MRPL48: variants seen among roughly 807,000 people sequenced by gnomAD.
The protein encoded by MRPL48 is large ribosomal subunit protein mL48.
In MRPL48, 16 loss-of-function variants were observed where a neutral mutation model predicts 32.9. The observed-to-expected ratio is 0.49, with a 90% CI of 0.33 to 0.74. MRPL48 has a LOEUF of 0.74. Among genes scored for constraint, MRPL48 ranks in the 30% least tolerant of loss-of-function variants. The probability of loss-of-function intolerance (pLI) is 0.02; values close to 1 mark genes in which losing one functional copy is unlikely to be tolerated. For synonymous variants in MRPL48, 94 were observed against 89.2 expected, an observed-to-expected ratio of 1.05 and a Z score of -0.31; for missense variants, 206 against 245.3, an observed-to-expected ratio of 0.84 and a Z score of 1.07.
intron 4 of MRPL48, among the ~76,000 whole-genome samples, chr11:73,828,092 A>G (rs1947930551): frequency 6.6e-6 from 1 of 152,200 alleles, no homozygotes; most frequent in Non-Finnish European, 1.5e-5. Context: ...ATTCTGGATT[A>G]GAATATCTCT....
intron 5 of MRPL48, among the ~76,000 whole-genome samples, chr11:73,854,595 A>G (rs12791617): frequency 0.056 from 8,579 of 152,156 alleles, 266 homozygotes; most frequent in Middle Eastern, 0.11. Flanking sequence ...CCTAGTTGCA[A>G]TGTTTATAGG....
chr11:73,826,009 A>C (rs1947883014), intron 4 of MRPL48, among the ~76,000 whole-genome samples: 1 of 152,108 alleles, frequency 6.6e-6, no homozygotes, highest in Non-Finnish European at 1.5e-5. Context: ...AGTAAAAAGC[A>C]AATGGTTTTT....
intron 1 of MRPL48, among the ~76,000 whole-genome samples, chr11:73,798,833 T>C (rs1287099595): frequency 6.6e-6 from 1 of 151,712 alleles, no homozygotes; most frequent in Non-Finnish European, 1.5e-5. Flanking sequence ...CTACTAAAAA[T>C]ACAAAAAATT....
chr11:73,805,043 A>G lies in MRPL48; in HGVS notation c.38A>G (p.Asn13Ser). ...GTLEKVLCLR[N>S]NTIFKQAFSL... is the part of the protein sequence containing the mutation. The stretch of plus-strand genomic sequence containing the variant: ...TTGCTGTAGGTGCTGTGCCTGAGGA[A>G]CAATACCATTTTTAAGCAAGCCTTT... The change falls in exon 2 of 8, where the codon AAC becomes AGC. Residue 13 changes from asparagine to serine, a missense_variant. Transcript: ENST00000310614. 1 of 1,590,684 alleles carries G rather than the reference A, an allele frequency of 6.3e-7. No homozygotes were observed. The highest frequency in any genetic ancestry group is 1.3e-5 in the African/African-American group (1 of 74,668).
chr11:73,853,800 C>T (rs1948442259), intron 5 of MRPL48, among the ~76,000 whole-genome samples: 1 of 149,316 alleles, frequency 6.7e-6, no homozygotes, highest in Admixed American at 6.8e-5. Flanking sequence ...ACGCCATTCT[C>T]CTGCCTCAGC....
intron 1 of MRPL48, among the ~76,000 whole-genome samples, chr11:73,789,846 A>G (rs1182460278): frequency 6.6e-6 from 1 of 152,184 alleles, no homozygotes; most frequent in Admixed American, 6.5e-5. Flanking sequence ...TCTGGTATAT[A>G]ATAGAGACTT....
intron 3 of MRPL48, among the ~76,000 whole-genome samples, chr11:73,818,842 C>T (rs1184227543): frequency 6.6e-6 from 1 of 152,170 alleles, no homozygotes; most frequent in African/African-American, 2.4e-5. Context: ...GGACAGTTGT[C>T]TCTGGCATAT....
rs191676985 is a variant in MRPL48, at chr11:73,864,815, G to A, written c.*445G>A. On this transcript the variant is annotated 3_prime_UTR_variant, in exon 8 of 8. Coordinates refer to ENST00000310614, the MANE Select transcript of MRPL48 (RefSeq NM_016055.6). ...ACATTCTTTTTTTTTTTTCCGAAAC[G>A]GAGTCTCGCTCTGTTGCCCAGGCTG... is the stretch of plus-strand genomic sequence containing the variant. 828 of 171,032 alleles carry A rather than the reference G, an allele frequency of 4.8e-3. 9 individuals are homozygous for A. The highest frequency in any genetic ancestry group is 0.018 in the African/African-American group (740 of 42,130). 10.6% of individuals were successfully genotyped at this position (171,032 alleles called of 1,614,324 possible).
At chr11:73,803,598 T>A in intron 1 of MRPL48, among the ~76,000 whole-genome samples, 1 of 152,166 alleles carries the variant, frequency 6.6e-6, no homozygotes, top group East Asian at 1.9e-4. Context: ...AGGCTCCTCT[T>A]GACTGATAGT....
At chr11:73,800,589 C>A (rs1385760878) in intron 1 of MRPL48, among the ~76,000 whole-genome samples, 1 of 152,120 alleles carries the variant, frequency 6.6e-6, no homozygotes, top group African/African-American at 2.4e-5. Flanking sequence ...TCGCTGGCGT[C>A]ACCATCCTCC....
At chr11:73,810,436 G>A (rs1590946522) in intron 3 of MRPL48, among the ~76,000 whole-genome samples, 1 of 152,136 alleles carries the variant, frequency 6.6e-6, no homozygotes, top group East Asian at 1.9e-4. Flanking sequence ...CAGGAGAACC[G>A]CTTGAACTTG....
rs1947545976 is a variant in MRPL48 at position 73,810,513 on chromosome 11, C to T, written c.112+2163C>T. Among the ~76,000 whole-genome samples, 7 of 151,300 alleles carry T rather than the reference C, an allele frequency of 4.6e-5. No individual in the cohort carries two copies. The South Asian group carries it at 1.5e-3, about 32-fold the overall frequency. ...TCCAGCCTGGGCAACAAGAGCGAAA[C>T]TCTGACTCAAAAAAGAAAAAAGAAA... On this transcript the variant is annotated intron_variant, in intron 3 of 7. Coordinates refer to ENST00000310614, the MANE Select transcript of MRPL48 (RefSeq NM_016055.6).
intron 4 of MRPL48, among the ~76,000 whole-genome samples, chr11:73,839,304 TAG>T (rs1381053416): frequency 6.6e-6 from 1 of 152,220 alleles, no homozygotes; most frequent in African/African-American, 2.4e-5. Context: ...TGGAAGCCCC[TAG>T]ACTGTTGGCT....
chr11:73,800,488 T>C (rs1312368883), intron 1 of MRPL48, among the ~76,000 whole-genome samples: 1 of 152,108 alleles, frequency 6.6e-6, no homozygotes. Context: ...GTGACTTCAG[T>C]TTTTTGGTAG....
At chr11:73,796,395 A>G (rs753564759) in intron 1 of MRPL48, among the ~76,000 whole-genome samples, 8 of 152,236 alleles carry the variant, frequency 5.3e-5, no homozygotes, top group Non-Finnish European at 7.3e-5. Flanking sequence ...GTACTGTCGC[A>G]GCCTGGCCAG....
At chr11:73,855,535 T>C (rs1948469646) in intron 5 of MRPL48, among the ~76,000 whole-genome samples, 1 of 152,216 alleles carries the variant, frequency 6.6e-6, no homozygotes, top group Non-Finnish European at 1.5e-5. Context: ...TTGCCCAGGC[T>C]GGAGTGCAGT....
intron 4 of MRPL48, among the ~76,000 whole-genome samples, chr11:73,827,628 A>G (rs762497457): frequency 6.6e-6 from 1 of 152,052 alleles, no homozygotes. Context: ...GGAGACTTCA[A>G]TATCTCTTGG....
intron 4 of MRPL48, 128 bp from the exon 5 acceptor site, chr11:73,844,679 T>C: frequency 9.8e-7 from 1 of 1,017,944 alleles, no homozygotes; most frequent in East Asian, 2.7e-5. Flanking sequence ...AGTTTGTAGG[T>C]GGGGTAACCT....
rs182510153 is a variant in MRPL48 at position 73,852,460 on chromosome 11, C to T, written c.372-7447C>T. 1.2e-4 allele frequency among the ~76,000 whole-genome samples: 18 copies of T among 147,020 alleles called. No homozygotes were observed. The East Asian group carries it at 3.2e-3, about 26-fold the overall frequency. ...AAAATCGACAAAAGATCTGAATAGACGTTTCTTAAAAGATGTACAGATGGC... is the reference window on the plus strand; with the variant it reads ...AAAATCGACAAAAGATCTGAATAGATGTTTCTTAAAAGATGTACAGATGGC... On this transcript the variant is annotated intron_variant, in intron 5 of 7. Coordinates refer to ENST00000310614, the MANE Select transcript of MRPL48 (RefSeq NM_016055.6).
Sources: gnomAD v4.1 joint callset for allele counts (sites outside exome capture counted in the v4.1 genomes callset) on GRCh38, gnomAD v4.1.1 for gene constraint, MANE v1.5 for transcripts, NCBI Gene and HGNC (gene_info 2026-07-23, HGNC 2026-07-21) for gene names.